Variants in RBFOX1 observed in about 807,000 individuals in gnomAD.
RBFOX1 encodes the protein RNA binding fox-1 homolog 1.
A neutral mutation model predicts 57.7 loss-of-function variants in RBFOX1; 8 were observed. The ratio of observed to expected loss-of-function variants is 0.14; its 90% CI spans 0.08 to 0.25. RBFOX1 has a LOEUF of 0.25. Ranked by LOEUF, RBFOX1 falls within the 10% of genes least tolerant of loss-of-function variation. The pLI, the probability that RBFOX1 is intolerant of heterozygous loss-of-function variation, is 1.00. For missense variants in RBFOX1, 611 were observed against 548.5 expected, an observed-to-expected ratio of 1.11 and a Z score of -1.14; for synonymous variants, 326 against 222.4, an observed-to-expected ratio of 1.47 and a Z score of -4.15.
intron 1 of RBFOX1, among the ~76,000 whole-genome samples, chr16:6,133,459 G>A (rs181775762): frequency 6.6e-6 from 1 of 152,288 alleles, no homozygotes; most frequent in Admixed American, 6.5e-5. Context: ...CTCTTGGGAT[G>A]GCACCATGCC....
intron 2 of RBFOX1, among the ~76,000 whole-genome samples, chr16:6,574,645 G>T (rs1253863609): frequency 8.8e-5 from 13 of 147,342 alleles, no homozygotes; most frequent in Non-Finnish European, 1.4e-4. Flanking sequence ...AGCCGGGATG[G>T]TCTCGATCTC....
At chr16:5,952,204 G>T (rs1324964686) in intron 4 of RBFOX1, among the ~76,000 whole-genome samples, 1 of 151,098 alleles carries the variant, frequency 6.6e-6, no homozygotes, top group East Asian at 1.9e-4. Context: ...TGGCTGGAGT[G>T]CAGCAGTGTG....
intron 3 of RBFOX1, among the ~76,000 whole-genome samples, chr16:5,717,047 T>C (rs2051729289): frequency 6.6e-6 from 1 of 152,194 alleles, no homozygotes; most frequent in South Asian, 2.1e-4. Context: ...ATTTCCCCTG[T>C]ATTTTCCTGC....
intron 4 of RBFOX1, among the ~76,000 whole-genome samples, chr16:7,114,310 T>C (rs1278026115): frequency 6.6e-6 from 1 of 152,230 alleles, no homozygotes; most frequent in East Asian, 1.9e-4. Flanking sequence ...ATGAAAAAAA[T>C]ATGAATACCT....
At chr16:7,070,037 C>A (rs1245458992) in intron 4 of RBFOX1, among the ~76,000 whole-genome samples, 3 of 152,076 alleles carry the variant, frequency 2.0e-5, no homozygotes, top group African/African-American at 7.2e-5. Flanking sequence ...GTCTTTTATC[C>A]CTCCTCCTCT....
chr16:6,949,161 C>A (rs1598133599), intron 3 of RBFOX1, among the ~76,000 whole-genome samples: 1 of 151,920 alleles, frequency 6.6e-6, no homozygotes, highest in Non-Finnish European at 1.5e-5. Flanking sequence ...CTTCCCCCAC[C>A]CCCCTGAAAA....
At chr16:7,397,497 G>T (rs185343508) in intron 4 of RBFOX1, among the ~76,000 whole-genome samples, 1 of 152,126 alleles carries the variant, frequency 6.6e-6, no homozygotes, top group Non-Finnish European at 1.5e-5. Context: ...ACATAAAAAT[G>T]AAAAGAACCC....
intron 1 of RBFOX1, among the ~76,000 whole-genome samples, chr16:5,430,927 C>T (rs1034680528): frequency 6.6e-6 from 1 of 152,206 alleles, no homozygotes; most frequent in Admixed American, 6.5e-5. Context: ...ATCCTACATA[C>T]TTCAGTGGGG....
chr16:5,860,460 A>G (rs1044616018), intron 3 of RBFOX1, among the ~76,000 whole-genome samples: 6 of 152,194 alleles, frequency 3.9e-5, no homozygotes, highest in African/African-American at 1.4e-4. Flanking sequence ...TGGTTCAAGA[A>G]AAGAGTTGAC....
In RBFOX1 at chr16:5,585,099, C is replaced by G. The variant is rs545041134; in HGVS notation, c.259-13803C>G. ...TCACAGTGTTGTACAGCCGTCACCTCTATCTCATTCCAAAATATTTTAATC... is the reference window on the plus strand; with the variant it reads ...TCACAGTGTTGTACAGCCGTCACCTGTATCTCATTCCAAAATATTTTAATC... On this transcript the variant is annotated intron_variant, in intron 2 of 2. Transcript: ENST00000585867. 2.0e-5 allele frequency among the ~76,000 whole-genome samples: 3 copies of G among 152,220 alleles called. No individual in the cohort carries two copies. In the East Asian group the frequency reaches 5.8e-4, roughly 29 times the overall value.
chr16:5,681,389 C>CTT (rs1003773008), intron 3 of RBFOX1, among the ~76,000 whole-genome samples: 59 of 126,528 alleles, frequency 4.7e-4, no homozygotes, highest in African/African-American at 1.6e-3. Context: ...CAGCTTTTTT[C>CTT]TTTTTTTTTT....
In RBFOX1 at chr16:6,450,720, G is replaced by A. The variant is rs561820912; in HGVS notation, c.-64+133663G>A. Among the ~76,000 whole-genome samples the A allele has an allele frequency of 1.1e-4, 14 of 126,122 alleles. No individual in the cohort carries two copies. The South Asian group carries it at 3.3e-3, about 29-fold the overall frequency. 82.7% of individuals were successfully genotyped at this position (126,122 alleles called of 152,430 possible). ...CAAATTAATCCTTTCTTGACCTGTG[G>A]TGGTGGCAGGGGAATAAATTTTATA... On this transcript the variant is annotated intron_variant, in intron 2 of 15. Coordinates refer to ENST00000550418, the MANE Select transcript of RBFOX1 (RefSeq NM_018723.4).
intron 2 of RBFOX1, among the ~76,000 whole-genome samples, chr16:6,572,649 G>C (rs935897586): frequency 6.6e-5 from 10 of 151,814 alleles, no homozygotes; most frequent in East Asian, 1.9e-4. Context: ...CTGGAGTGCA[G>C]TGTCACTATC....
In RBFOX1 at chr16:7,041,082, ATT is replaced by A. The variant is rs61569211; in HGVS notation, c.-15-10951_-15-10950del. Among the ~76,000 whole-genome samples the A allele has an allele frequency of 8.5e-3, 931 of 109,248 alleles. 1 individual carries two copies. The highest frequency in any genetic ancestry group is 0.014 in the Middle Eastern group (2 of 144). The allele number at this position is 109,248 out of a possible 152,430, so 71.7% of individuals were successfully genotyped here. On this transcript the variant is annotated intron_variant, in intron 3 of 15. Transcript: ENST00000550418. ...AGGCAAGTGCCAACACGCCCAGCTA[ATT>A]TTTTTTTTTTTTTTTTTTTTTTTGT...
chr16:5,328,499 G>A (rs1233225842), intron 1 of RBFOX1, among the ~76,000 whole-genome samples: 1 of 152,242 alleles, frequency 6.6e-6, no homozygotes. Flanking sequence ...CTGATGGAAT[G>A]CCTTCAAGAA....
rs193250193 is a variant in RBFOX1 at position 7,185,326 on chromosome 16, C to T, written c.27+133228C>T. Among the ~76,000 whole-genome samples the T allele has an allele frequency of 4.7e-4, 72 of 152,128 alleles. 1 individual carries two copies. The highest frequency in any genetic ancestry group is 1.5e-3 in the African/African-American group (64 of 41,506). ...TCTACTGTACCCTGGAGCATTTTCA[C>T]GGTTTGTGTTTAATCACAGAATCTC... On this transcript the variant is annotated intron_variant, in intron 4 of 15. Transcript: ENST00000550418.
At chr16:6,184,354 A>T (rs577335425) in intron 1 of RBFOX1, among the ~76,000 whole-genome samples, 1 of 152,266 alleles carries the variant, frequency 6.6e-6, no homozygotes, top group South Asian at 2.1e-4. Flanking sequence ...AGGTGTGGGA[A>T]AGGATGGAAC....
intron 2 of RBFOX1, among the ~76,000 whole-genome samples, chr16:6,335,343 C>G (rs577859105): frequency 8.9e-4 from 135 of 152,238 alleles, no homozygotes; most frequent in African/African-American, 3.0e-3. Context: ...TTTATTCATG[C>G]ATCTCTCTAA....
At chr16:7,150,405 C>A (rs901267801) in intron 4 of RBFOX1, among the ~76,000 whole-genome samples, 1 of 152,082 alleles carries the variant, frequency 6.6e-6, no homozygotes, top group Non-Finnish European at 1.5e-5. Flanking sequence ...ATGAATTGGT[C>A]CCCGGGCTGT....
Sources: gnomAD v4.1 joint callset for allele counts (sites outside exome capture counted in the v4.1 genomes callset) on GRCh38, gnomAD v4.1.1 for gene constraint, MANE v1.5 for transcripts, NCBI Gene and HGNC (gene_info 2026-07-23, HGNC 2026-07-21) for gene names.